MRTFB: variants seen among roughly 807,000 people sequenced by gnomAD.
The protein encoded by MRTFB is myocardin-related transcription factor B.
In MRTFB, 29 loss-of-function variants were observed where a neutral mutation model predicts 104.2. The ratio of observed to expected loss-of-function variants is 0.28; its 90% confidence interval spans 0.21 to 0.38. The LOEUF (loss-of-function observed/expected upper bound fraction) is 0.38. MRTFB is among the 10% of genes least tolerant of loss of function. The pLI, the probability that MRTFB is intolerant of heterozygous loss-of-function variation, is 1.00. For missense variants in MRTFB, 1,270 were observed against 1,341.6 expected, an observed-to-expected ratio of 0.95 and a Z score of 0.83; for synonymous variants, 535 against 519.5, an observed-to-expected ratio of 1.03 and a Z score of -0.41.
At chr16:14,153,528 T>A (rs2038714914) in intron 3 of MRTFB, among the ~76,000 whole-genome samples, 1 of 152,170 alleles carries the variant, frequency 6.6e-6, no homozygotes, top group Non-Finnish European at 1.5e-5. Flanking sequence ...GGAAAATGAT[T>A]GCACCTTCAA....
the MRTFB span, among the ~76,000 whole-genome samples, chr16:14,049,274 AC>A: frequency 1.3e-5 from 2 of 152,354 alleles, no homozygotes; most frequent in East Asian, 3.9e-4. Flanking sequence ...CAATTAACTG[AC>A]TTTTTAAATG....
rs538104076 is a variant in MRTFB at position 14,190,958 on chromosome 16, A to C, written c.155-19285A>C. On this transcript the variant is annotated intron_variant, in intron 3 of 16. Coordinates refer to ENST00000571589, the MANE Select transcript of MRTFB (RefSeq NM_001308142.2). ...TGGTAGATGGCCCAGCCAGCAATGC[A>C]GTAAATTAACATACTGTACTGGGAT... Among the ~76,000 whole-genome samples the C allele has an allele frequency of 3.3e-5, 5 of 152,358 alleles. No individual in the cohort carries two copies. The South Asian group carries it at 1.0e-3, about 32-fold the overall frequency.
the MRTFB span, among the ~76,000 whole-genome samples, chr16:14,017,101 G>A: frequency 1.4e-5 from 2 of 140,630 alleles, no homozygotes; most frequent in Admixed American, 1.5e-4. Flanking sequence ...CTGTTGCCCA[G>A]GCTGGAGTGC....
At chr16:14,102,356 C>A (rs908120460) in intron 2 of MRTFB, among the ~76,000 whole-genome samples, 1 of 152,150 alleles carries the variant, frequency 6.6e-6, no homozygotes, top group African/African-American at 2.4e-5. Context: ...ACGGGCTTAA[C>A]GTCGCCTCTT....
chr16:14,205,660 CTGTT>C (rs2040908291), intron 3 of MRTFB, among the ~76,000 whole-genome samples: 1 of 152,256 alleles, frequency 6.6e-6, no homozygotes, highest in Admixed American at 6.5e-5. Context: ...AACATGAAGT[CTGTT>C]TATCTTTATT....
intron 1 of MRTFB, among the ~76,000 whole-genome samples, chr16:14,078,889 C>T (rs2034230008): frequency 6.6e-6 from 1 of 151,888 alleles, no homozygotes; most frequent in South Asian, 2.1e-4. Context: ...TCATATAATC[C>T]TCAGCAGTGC....
In MRTFB at chr16:14,263,903, G is replaced by C. The variant is rs539692918; in HGVS notation, c.*2459G>C. Reference sequence around the variant, plus strand: ...GTCACCAGCCAGGCACCTGTGACACGAGTGCTGCTCTCCAGGATCTCCACT... The same window carrying C: ...GTCACCAGCCAGGCACCTGTGACACCAGTGCTGCTCTCCAGGATCTCCACT... On this transcript the variant is annotated 3_prime_UTR_variant, in exon 17 of 17. Coordinates refer to ENST00000571589, the MANE Select transcript of MRTFB (RefSeq NM_001308142.2). 3 of 152,298 alleles carry C rather than the reference G, an allele frequency of 2.0e-5. No individual in the cohort carries two copies. The highest frequency in any genetic ancestry group is 2.0e-4 in the Admixed American group (3 of 15,286). The allele number at this position is 152,298 out of a possible 1,614,324, so 9.4% of individuals were successfully genotyped here.
the MRTFB span, among the ~76,000 whole-genome samples, chr16:14,001,760 T>G: frequency 2.0e-5 from 3 of 152,234 alleles, no homozygotes; most frequent in Non-Finnish European, 2.9e-5. Context: ...CGTTGCCATC[T>G]GCTGACCAGC....
chr16:14,001,787 A>G, the MRTFB span, among the ~76,000 whole-genome samples: 5 of 152,224 alleles, frequency 3.3e-5, no homozygotes, highest in African/African-American at 1.2e-4. Context: ...CACTGACCTC[A>G]GACCAGAACC....
intron 8 of MRTFB, among the ~76,000 whole-genome samples, chr16:14,226,249 C>G (rs1038343248): frequency 1.3e-5 from 2 of 152,142 alleles, no homozygotes; most frequent in African/African-American, 2.4e-5. Flanking sequence ...AAAACCAAAA[C>G]AGTCTTGAAT....
chr16:14,041,564 C>A, the MRTFB span, among the ~76,000 whole-genome samples: 1 of 152,188 alleles, frequency 6.6e-6, no homozygotes. Context: ...ATGTATCCAT[C>A]AATAGACATT....
intron 3 of MRTFB, chr16:14,187,042 C>G (rs747559107): frequency 5.0e-6 from 8 of 1,592,460 alleles, no homozygotes; most frequent in Non-Finnish European, 6.8e-6. Flanking sequence ...GAAGGTCAGT[C>G]TGTCTGTGGA....
chr16:14,253,948 A>AGGGGAGCAGAGAC (rs2043367539), intron 15 of MRTFB, among the ~76,000 whole-genome samples: 1 of 152,086 alleles, frequency 6.6e-6, no homozygotes. Flanking sequence ...TTCTCTTCAC[A>AGGGGAGCAGAGAC]GGGGAGCAGA....
rs780554600 is a variant in MRTFB at position 14,234,165 on chromosome 16, C to G, written c.713C>G (p.Thr238Arg). Reference protein sequence around the residue: ...TPAQFASVSPTVPEFLKTPPT... With the variant: ...TPAQFASVSPRVPEFLKTPPT... The stretch of plus-strand genomic sequence containing the variant: ...CACCAGTTTGCTTCAGTGTCCCCAA[C>G]AGTTCCTGAATTCTTGAAAACTCCT... The change falls in exon 9 of 17, where the codon ACA (threonine) becomes AGA (arginine). Residue 238 changes from threonine to arginine, a missense_variant. Transcript: ENST00000571589. The G allele has an allele frequency of 1.2e-6, 2 of 1,614,128 alleles. No individual in the cohort carries two copies. The highest frequency in any genetic ancestry group is 1.7e-6 in the Non-Finnish European group (2 of 1,179,988).
chr16:14,122,194 A>T (rs2036879789), intron 2 of MRTFB, among the ~76,000 whole-genome samples: 1 of 149,876 alleles, frequency 6.7e-6, no homozygotes, highest in Non-Finnish European at 1.5e-5. Context: ...TTTCTATTTA[A>T]TTATGTATCA....
chr16:14,219,131 C>G, intron 8 of MRTFB, 133 bp downstream of exon 8: 6 of 844,384 alleles, frequency 7.1e-6, no homozygotes, highest in Non-Finnish European at 1.0e-5. Flanking sequence ...AAAAAGCAGG[C>G]ACTTAACTGC....
chr16:14,040,787 T>C, the MRTFB span, among the ~76,000 whole-genome samples: 1 of 152,230 alleles, frequency 6.6e-6, no homozygotes, highest in Admixed American at 6.5e-5. Flanking sequence ...TATTGCCAGA[T>C]ATTTTTATTT....
At chr16:14,186,790 A>G in intron 3 of MRTFB, 1 of 1,542,798 alleles carries the variant, frequency 6.5e-7, no homozygotes, top group Non-Finnish European at 8.6e-7. Flanking sequence ...TTGGCCAGTG[A>G]TTGGGGTATT....
At chr16:14,260,804 A>T (rs30125) in intron 16 of MRTFB, 105 bp from the exon 17 acceptor site, 3 of 926,282 alleles carry the variant, frequency 3.2e-6, no homozygotes, top group African/African-American at 3.4e-5. Context: ...ACGGACGTGC[A>T]TAGAAGGAAT....
Sources: gnomAD v4.1 joint callset for allele counts (sites outside exome capture counted in the v4.1 genomes callset) on GRCh38, gnomAD v4.1.1 for gene constraint, MANE v1.5 for transcripts, NCBI Gene and HGNC (gene_info 2026-07-23, HGNC 2026-07-21) for gene names.